SLC4A4: variants seen among roughly 807,000 people sequenced by gnomAD.
The protein encoded by SLC4A4 is electrogenic sodium bicarbonate cotransporter 1.
Under a neutral mutation model 111.5 loss-of-function variants are expected in SLC4A4, and 27 were observed. The ratio of observed to expected loss-of-function variants is 0.24; its 90% confidence interval spans 0.18 to 0.33. The LOEUF is 0.33. Among genes scored for constraint, SLC4A4 ranks in the 10% least tolerant of loss-of-function variants. SLC4A4 has a pLI of 1.00. For synonymous variants in SLC4A4, 443 were observed against 463.4 expected, an observed-to-expected ratio of 0.96 and a Z score of 0.57; for missense variants, 909 against 1,315.5, an observed-to-expected ratio of 0.69 and a Z score of 4.78.
chr4:71,140,783 A>G (rs1743973790), intron 2 of SLC4A4, among the ~76,000 whole-genome samples: 1 of 152,040 alleles, frequency 6.6e-6, no homozygotes, highest in African/African-American at 2.4e-5. Flanking sequence ...CATCACCTCC[A>G]CTGCTACACC....
chr4:71,432,821 G>A (rs1189936201), intron 7 of SLC4A4, among the ~76,000 whole-genome samples: 1 of 152,010 alleles, frequency 6.6e-6, no homozygotes, highest in African/African-American at 2.4e-5. Flanking sequence ...ACTCTGAAAT[G>A]GAAGTTGAAA....
At chr4:71,147,428 C>G (rs948823134) in intron 2 of SLC4A4, among the ~76,000 whole-genome samples, 1 of 152,042 alleles carries the variant, frequency 6.6e-6, no homozygotes, top group Non-Finnish European at 1.5e-5. Context: ...AATAGGCAGT[C>G]AGAGAGATGA....
chr4:71,344,434 C>G (rs1385240250), intron 4 of SLC4A4, among the ~76,000 whole-genome samples: 1 of 152,006 alleles, frequency 6.6e-6, no homozygotes, highest in Non-Finnish European at 1.5e-5. Context: ...AGTTTTTTCC[C>G]CCCATTAAAA....
intron 1 of SLC4A4, among the ~76,000 whole-genome samples, chr4:71,085,836 G>A (rs112595091): frequency 0.23 from 34,283 of 151,880 alleles, 4,041 homozygotes; most frequent in South Asian, 0.24. Flanking sequence ...GTCAGGTAGC[G>A]TGATGCCTCC....
At chr4:71,423,687 C>G (rs1001643534) in intron 7 of SLC4A4, among the ~76,000 whole-genome samples, 1 of 152,138 alleles carries the variant, frequency 6.6e-6, no homozygotes, top group African/African-American at 2.4e-5. Flanking sequence ...AATAACGCCG[C>G]ATATCTACAA....
chr4:71,234,979 G>T (rs1316819070), intron 1 of SLC4A4, among the ~76,000 whole-genome samples: 1 of 144,208 alleles, frequency 6.9e-6, no homozygotes, highest in African/African-American at 2.4e-5. Flanking sequence ...AAGCAGAAAG[G>T]AAGGAAATTT....
At chr4:71,185,271 C>G (rs900259943), upstream of SLC4A4, among the ~76,000 whole-genome samples, 1 of 152,200 alleles carries the variant, frequency 6.6e-6, no homozygotes, top group African/African-American at 2.4e-5. Flanking sequence ...GTGTGAAAAA[C>G]TGCTGAACAG....
intron 1 of SLC4A4, among the ~76,000 whole-genome samples, chr4:71,213,432 T>C (rs1388727000): frequency 6.6e-6 from 1 of 152,188 alleles, no homozygotes; most frequent in African/African-American, 2.4e-5. Context: ...TTCAGGCTGG[T>C]GGGCTTGAAA....
chr4:71,101,906 A>C (rs932965546), intron 2 of SLC4A4, among the ~76,000 whole-genome samples: 20 of 152,046 alleles, frequency 1.3e-4, no homozygotes, highest in African/African-American at 4.6e-4. Context: ...CAGCAATGGA[A>C]CAAAGCTGGA....
intron 2 of SLC4A4, among the ~76,000 whole-genome samples, chr4:71,115,739 T>C (rs1743226808): frequency 6.6e-6 from 1 of 152,240 alleles, no homozygotes; most frequent in South Asian, 2.1e-4. Context: ...AGTGCTGTCA[T>C]GTAAGATGAA....
intron 16 of SLC4A4, among the ~76,000 whole-genome samples, chr4:71,510,041 A>G (rs1204654571): frequency 1.3e-5 from 2 of 151,942 alleles, no homozygotes; most frequent in Non-Finnish European, 2.9e-5. Flanking sequence ...CTGAGCTCCT[A>G]CTCTGGGGCA....
At chr4:71,328,996 A>G (rs1727728391) in intron 3 of SLC4A4, among the ~76,000 whole-genome samples, 2 of 152,226 alleles carry the variant, frequency 1.3e-5, no homozygotes, top group South Asian at 2.1e-4. Context: ...ATTTTTGTAT[A>G]TAGTGAGAGA....
chr4:71,179,585 T>G (rs978890998), intron 2 of SLC4A4, among the ~76,000 whole-genome samples: 1 of 151,972 alleles, frequency 6.6e-6, no homozygotes, highest in East Asian at 1.9e-4. Context: ...AAATCATGAG[T>G]GAACTCCCAT....
chr4:71,479,991 T>C (rs1016947158), intron 14 of SLC4A4, among the ~76,000 whole-genome samples: 4 of 150,786 alleles, frequency 2.7e-5, no homozygotes, highest in South Asian at 4.2e-4. Flanking sequence ...AGAGAAGTTT[T>C]TGTGAAATTG....
At chr4:71,071,814 T>C (rs1470325440) in intron 1 of SLC4A4, among the ~76,000 whole-genome samples, 1 of 152,220 alleles carries the variant, frequency 6.6e-6, no homozygotes, top group African/African-American at 2.4e-5. Context: ...TCCCAATTGT[T>C]CTAATATTTT....
chr4:71,085,019 C>T (rs2148936663), intron 1 of SLC4A4, among the ~76,000 whole-genome samples: 1 of 152,206 alleles, frequency 6.6e-6, no homozygotes, highest in East Asian at 1.9e-4. Flanking sequence ...ACAGTCCCAC[C>T]AACAGTGTAA....
intron 2 of SLC4A4, among the ~76,000 whole-genome samples, chr4:71,177,262 T>A (rs2148985455): frequency 6.6e-6 from 1 of 152,260 alleles, no homozygotes; most frequent in East Asian, 1.9e-4. Flanking sequence ...AGGAAGAAAC[T>A]GCATCAAATA....
chr4:71,532,278 T>G, intron 17 of SLC4A4, 103 bp downstream of exon 17: 1 of 788,602 alleles, frequency 1.3e-6, no homozygotes, highest in East Asian at 2.6e-5. Context: ...TGTACAATTA[T>G]CCATATTTTT....
At chr4:71,437,311 C>T (rs998950342) in intron 7 of SLC4A4, 16 of 360,526 alleles carry the variant, frequency 4.4e-5, no homozygotes, top group African/African-American at 2.1e-4. Flanking sequence ...TCCAATAACA[C>T]GGTTTTGGGG....
Sources: gnomAD v4.1 joint callset for allele counts (sites outside exome capture counted in the v4.1 genomes callset) on GRCh38, gnomAD v4.1.1 for gene constraint, MANE v1.5 for transcripts, NCBI Gene and HGNC (gene_info 2026-07-23, HGNC 2026-07-21) for gene names.